UBE2N: variants seen among roughly 807,000 people sequenced by gnomAD.
UBE2N encodes ubiquitin-conjugating enzyme E2 N.
For missense variants in UBE2N, 60 were observed against 192.1 expected (o/e 0.31, Z 4.07); for synonymous variants, 70 against 69.2 (o/e 1.01, Z -0.06).
chr12:93,409,515 G>A lies in UBE2N; in HGVS notation c.*524C>T, dbSNP rs1877969988. The A allele has an allele frequency of 6.0e-6, 1 of 167,010 alleles. No homozygotes were observed. Among genetic ancestry groups the A allele is most frequent in the Admixed American group, 6.6e-5 (1 of 15,260 alleles). 10.3% of individuals were successfully genotyped at this position (167,010 alleles called of 1,614,324 possible). A position where few individuals can be genotyped will look rare whatever the true frequency, so the allele number is the denominator to read the frequency against. On this transcript the variant is annotated 3_prime_UTR_variant, in exon 4 of 4. Coordinates refer to ENST00000318066, the MANE Select transcript of UBE2N (RefSeq NM_003348.4). ...ATGTTTGTTTAATGTTCCCATTTTG[G>A]TTCCAACAATCAAGCTTGTCCATCT...
intron 1 of UBE2N, among the ~76,000 whole-genome samples, chr12:93,423,760 G>T (rs1878489525): frequency 6.6e-6 from 1 of 152,128 alleles, no homozygotes; most frequent in Admixed American, 6.5e-5. Flanking sequence ...AGAATGAGTT[G>T]AATCTTATTG....
At chr12:93,432,100 C>T (rs1351964585) in intron 1 of UBE2N, among the ~76,000 whole-genome samples, 3 of 152,084 alleles carry the variant, frequency 2.0e-5, no homozygotes, top group Non-Finnish European at 4.4e-5. Flanking sequence ...GGTGTGGTGG[C>T]GTGCACCTGT....
At chr12:93,425,665 T>C (rs908293995) in intron 1 of UBE2N, among the ~76,000 whole-genome samples, 7 of 152,066 alleles carry the variant, frequency 4.6e-5, no homozygotes, top group Non-Finnish European at 4.4e-5. Context: ...CCAAAAATAG[T>C]AGGCCTAGCC....
At chr12:93,440,663 T>C (rs182092294) in intron 1 of UBE2N, among the ~76,000 whole-genome samples, 2 of 152,266 alleles carry the variant, frequency 1.3e-5, no homozygotes, top group Admixed American at 6.5e-5. Context: ...TCAAGCAAAA[T>C]GATGCTGCAA....
chr12:93,427,747 G>T, intron 1 of UBE2N, among the ~76,000 whole-genome samples: 1 of 152,208 alleles, frequency 6.6e-6, no homozygotes, highest in African/African-American at 2.4e-5. Flanking sequence ...TATGGTATGA[G>T]AATTATACCT....
In UBE2N at chr12:93,431,815, T is replaced by C. The variant is rs192653557; in HGVS notation, c.30+10040A>G. ...ATTCTATTATCCATCACATACTATA[T>C]TTCTAGATGATGCCATGCTTTCTGT... On this transcript the variant is annotated intron_variant, in intron 1 of 3. Transcript: ENST00000318066. Among the ~76,000 whole-genome samples the C allele has an allele frequency of 5.3e-5, 8 of 152,346 alleles. No homozygotes were observed. The East Asian group carries it at 1.5e-3, about 29-fold the overall frequency.
rs758936643 is a variant in UBE2N, at chr12:93,410,760, G to A, written c.392C>T (p.Thr131Ile). The A allele has an allele frequency of 1.2e-6, 2 of 1,614,186 alleles. No individual in the cohort carries two copies. Among genetic ancestry groups the A allele is most frequent in the Admixed American group, 1.7e-5 (1 of 60,024 alleles). Residue 131 changes from threonine to isoleucine, a missense_variant, in exon 3 of 4, where the codon ACC becomes ATC. Thr to Ile is a moderately conservative substitution (Grantham distance 89). Transcript: ENST00000318066. ...TGTTTCTATGGCTTGGGCTTCGTTG[G>A]TCTTCCACTGCTCCGCTACATCATT... ...LANDVAEQWK[T>I]NEAQAIETAR...
chr12:93,419,350 A>G (rs1295408958), intron 1 of UBE2N, among the ~76,000 whole-genome samples: 1 of 152,036 alleles, frequency 6.6e-6, no homozygotes, highest in East Asian at 1.9e-4. Context: ...AGATCGTGCC[A>G]CTGCACTTCA....
intron 1 of UBE2N, among the ~76,000 whole-genome samples, chr12:93,422,836 T>C (rs1878458246): frequency 6.6e-6 from 1 of 152,288 alleles, no homozygotes; most frequent in East Asian, 1.9e-4. Flanking sequence ...TGTTAAAAAT[T>C]CCCCCACTCA....
At position 93,441,905 on chromosome 12, in the gene UBE2N, G is replaced by A. The variant is rs376091826; in HGVS notation, c.-21C>T. The A allele has an allele frequency of 9.5e-6, 15 of 1,572,658 alleles. No homozygotes were observed. The highest frequency in any genetic ancestry group is 9.5e-6 in the Non-Finnish European group (11 of 1,162,104). On this transcript the variant is annotated 5_prime_UTR_variant, in exon 1 of 4. Coordinates refer to ENST00000318066, the MANE Select transcript of UBE2N (RefSeq NM_003348.4). ...GCCATCTTGTCAGAACCCGAGTTCGGCCTCTGGTCTCGTCTCCGGCTCCTC... is the reference window on the plus strand; with the variant it reads ...GCCATCTTGTCAGAACCCGAGTTCGACCTCTGGTCTCGTCTCCGGCTCCTC...
intron 1 of UBE2N, among the ~76,000 whole-genome samples, chr12:93,433,185 G>A (rs552153385): frequency 1.4e-4 from 22 of 152,058 alleles, no homozygotes; most frequent in African/African-American, 4.8e-4. Flanking sequence ...CTCCTGCCTC[G>A]GCCTCCCAAA....
At position 93,430,596 on chromosome 12, in the gene UBE2N, TAA is replaced by T. The variant is rs1437349759; in HGVS notation, c.30+11257_30+11258del. Among the ~76,000 whole-genome samples, 14 of 151,276 alleles carry T rather than the reference TAA, an allele frequency of 9.3e-5. 1 individual carries two copies. The highest frequency in any genetic ancestry group is 2.6e-4 in the Admixed American group (4 of 15,188). On this transcript the variant is annotated intron_variant, in intron 1 of 3. Coordinates refer to ENST00000318066, the MANE Select transcript of UBE2N (RefSeq NM_003348.4). Reference sequence around the variant, plus strand: ...AGGAAAGCCTCTAATTAAATTACAATAAAGAGACTTCTGATTAAAAAAAACCA... The same window carrying T: ...AGGAAAGCCTCTAATTAAATTACAATAGAGACTTCTGATTAAAAAAAACCA...
chr12:93,427,893 A>G (rs1217700582), intron 1 of UBE2N, among the ~76,000 whole-genome samples: 1 of 152,234 alleles, frequency 6.6e-6, no homozygotes, highest in African/African-American at 2.4e-5. Context: ...TATTTAGTAT[A>G]TAACATATTC....
chr12:93,441,413 G>A (rs1283137309), intron 1 of UBE2N, among the ~76,000 whole-genome samples: 1 of 152,162 alleles, frequency 6.6e-6, no homozygotes, highest in African/African-American at 2.4e-5. Context: ...TCGGGGCGGA[G>A]AAGAGGGGCT....
intron 1 of UBE2N, among the ~76,000 whole-genome samples, chr12:93,438,527 C>T (rs1389590697): frequency 6.6e-6 from 1 of 151,532 alleles, no homozygotes; most frequent in Non-Finnish European, 1.5e-5. Context: ...AGTGCAGATG[C>T]GCTCAGAAGT....
At chr12:93,422,870 C>T (rs186911290) in intron 1 of UBE2N, among the ~76,000 whole-genome samples, 23 of 152,152 alleles carry the variant, frequency 1.5e-4, no homozygotes, top group African/African-American at 4.8e-4. Flanking sequence ...TTAGCTCCCA[C>T]TCTTTAGTAT....
chr12:93,436,792 G>C (rs1878947246), intron 1 of UBE2N, among the ~76,000 whole-genome samples: 2 of 152,064 alleles, frequency 1.3e-5, no homozygotes, highest in Non-Finnish European at 1.5e-5. Flanking sequence ...AAGAGCTTTG[G>C]TCCAGAAGAT....
intron 1 of UBE2N, among the ~76,000 whole-genome samples, chr12:93,429,074 A>G (rs1878675203): frequency 6.6e-6 from 1 of 152,140 alleles, no homozygotes; most frequent in Non-Finnish European, 1.5e-5. Flanking sequence ...GTTCAAGATC[A>G]GCCTGACCAA....
intron 1 of UBE2N, among the ~76,000 whole-genome samples, chr12:93,428,890 G>A (rs1360515032): frequency 6.6e-6 from 1 of 152,184 alleles, no homozygotes; most frequent in Middle Eastern, 3.2e-3. Flanking sequence ...GTCAGTGCTG[G>A]CCCCTGAACA....
Sources: gnomAD v4.1 joint callset for allele counts (sites outside exome capture counted in the v4.1 genomes callset) on GRCh38, gnomAD v4.1.1 for gene constraint, MANE v1.5 for transcripts, NCBI Gene and HGNC (gene_info 2026-07-23, HGNC 2026-07-21) for gene names.